Variants in NEK1 observed in about 807,000 individuals in gnomAD.
NEK1 encodes NIMA related kinase 1, also known as serine/threonine-protein kinase Nek1.
A neutral mutation model predicts 182.1 loss-of-function variants in NEK1; 137 were observed. The ratio of observed to expected loss-of-function variants is 0.75; its 90% CI spans 0.65 to 0.87. The LOEUF is 0.87. NEK1 is among the 40% of genes least tolerant of loss of function. The probability of loss-of-function intolerance (pLI) is 0.00; values close to 1 mark genes in which losing one functional copy is unlikely to be tolerated. For missense variants in NEK1, 1,391 were observed against 1,494.4 expected, an observed-to-expected ratio of 0.93 and a Z score of 1.14; for synonymous variants, 513 against 492.2, an observed-to-expected ratio of 1.04 and a Z score of -0.56.
At chr4:169,486,818 C>A (rs1053379491) in intron 23 of NEK1, among the ~76,000 whole-genome samples, 1 of 152,170 alleles carries the variant, frequency 6.6e-6, no homozygotes, top group Non-Finnish European at 1.5e-5. Context: ...CAGAAATACA[C>A]AAGAATTTAC....
chr4:169,578,983 G>C (rs954825250), intron 11 of NEK1, among the ~76,000 whole-genome samples: 1 of 152,106 alleles, frequency 6.6e-6, no homozygotes, highest in African/African-American at 2.4e-5. Context: ...ACTGCAACCT[G>C]GCTAAACGTG....
In NEK1 at chr4:169,433,628, T is replaced by C. The variant is rs1737837905; in HGVS notation, c.2802A>G (p.Pro934=). ...AGCTCTCATCTTTGTTTGTTCCACT[T>C]GGCTCTTGTAGAATTTCTGTTTCCA... ...DDLETEILQE[P]SGTNKDESLP... Residue 934 remains proline (P), a synonymous_variant, in exon 29 of 36, where the codon CCA becomes CCG. Coordinates refer to ENST00000507142, the MANE Select transcript of NEK1 (RefSeq NM_001199397.3). 1 of 1,613,388 alleles carries C rather than the reference T, an allele frequency of 6.2e-7. No homozygotes were observed. The highest frequency in any genetic ancestry group is 8.5e-7 in the Non-Finnish European group (1 of 1,179,616).
chr4:169,439,845 C>CTT lies in NEK1; in HGVS notation c.2588-1588_2588-1587dup, dbSNP rs33985502. Reference sequence around the variant, plus strand: ...AAGGAAGAGGAGGAGGTTAGGGTATCTTTTTTTTTTTTTTTTTTTTTGTTA... The same window carrying CTT: ...AAGGAAGAGGAGGAGGTTAGGGTATCTTTTTTTTTTTTTTTTTTTTTTTGTTA... On this transcript the variant is annotated intron_variant, in intron 27 of 35. Coordinates refer to ENST00000507142, the MANE Select transcript of NEK1 (RefSeq NM_001199397.3). Among the ~76,000 whole-genome samples, 807 of 116,378 alleles carry CTT rather than the reference C, an allele frequency of 6.9e-3. 17 individuals are homozygous for CTT. Among genetic ancestry groups the CTT allele is most frequent in the African/African-American group, 0.025 (733 of 29,112 alleles). 76.3% of individuals were successfully genotyped at this position (116,378 alleles called of 152,430 possible). A position where few individuals can be genotyped will look rare whatever the true frequency, so the allele number is the denominator to read the frequency against.
intron 27 of NEK1, among the ~76,000 whole-genome samples, chr4:169,454,930 A>G (rs1276211726): frequency 6.6e-6 from 1 of 152,220 alleles, no homozygotes; most frequent in Admixed American, 6.5e-5. Context: ...AACCAACCCA[A>G]ATGCCATCAA....
intron 4 of NEK1, among the ~76,000 whole-genome samples, chr4:169,600,275 G>A (rs1001282480): frequency 2.6e-5 from 4 of 151,494 alleles, no homozygotes; most frequent in East Asian, 3.9e-4. Flanking sequence ...CTGTAGCCTC[G>A]ACCTCCCGAG....
chr4:169,540,557 T>C (rs1221476319), intron 18 of NEK1, among the ~76,000 whole-genome samples: 1 of 152,150 alleles, frequency 6.6e-6, no homozygotes, highest in Admixed American at 6.6e-5. Flanking sequence ...AGTTTACTTC[T>C]TGATAGTAAT....
At chr4:169,544,828 AC>A (rs1167881308) in intron 18 of NEK1, among the ~76,000 whole-genome samples, 17 of 150,260 alleles carry the variant, frequency 1.1e-4, no homozygotes, top group Admixed American at 1.1e-3. Context: ...CAATGGCGAT[AC>A]CCCCTTTATC....
chr4:169,518,463 G>A (rs1218943325), intron 19 of NEK1, among the ~76,000 whole-genome samples: 2 of 130,554 alleles, frequency 1.5e-5, no homozygotes, highest in African/African-American at 6.9e-5. Flanking sequence ...CCAGCTCCTG[G>A]ATTCATTGAT....
intron 3 of NEK1, 85 bp downstream of exon 3, chr4:169,602,425 CTTTT>C: frequency 1.6e-6 from 1 of 624,970 alleles, no homozygotes; most frequent in Non-Finnish European, 2.7e-6. Flanking sequence ...TTATCGATTA[CTTTT>C]TTTTTTTTTT....
At chr4:169,490,566 T>C (rs1217291373) in intron 23 of NEK1, among the ~76,000 whole-genome samples, 1 of 151,870 alleles carries the variant, frequency 6.6e-6, no homozygotes, top group African/African-American at 2.4e-5. Flanking sequence ...GGATAGACAA[T>C]TCAATGAAAT....
intron 31 of NEK1, among the ~76,000 whole-genome samples, chr4:169,422,668 G>GT (rs1389944254): frequency 1.3e-5 from 2 of 152,124 alleles, no homozygotes; most frequent in African/African-American, 4.8e-5. Flanking sequence ...ATTTTCTAGT[G>GT]TTTTTTCTTG....
chr4:169,558,777 CTAAA>C (rs1445491194), intron 16 of NEK1, among the ~76,000 whole-genome samples: 2 of 152,064 alleles, frequency 1.3e-5, no homozygotes. Flanking sequence ...TTTGCAGATA[CTAAA>C]TAATCAAAAA....
At chr4:169,446,126 T>C (rs1298968597) in intron 27 of NEK1, among the ~76,000 whole-genome samples, 1 of 151,852 alleles carries the variant, frequency 6.6e-6, no homozygotes, top group Non-Finnish European at 1.5e-5. Flanking sequence ...AATAAAATTC[T>C]AGTGTTTAAA....
At chr4:169,572,807 A>C (rs754275520) in intron 12 of NEK1, among the ~76,000 whole-genome samples, 1 of 152,144 alleles carries the variant, frequency 6.6e-6, no homozygotes. Flanking sequence ...AAGAAAAATG[A>C]CCCATGGATT....
At chr4:169,564,801 G>T (rs2149963226) in intron 12 of NEK1, among the ~76,000 whole-genome samples, 1 of 152,194 alleles carries the variant, frequency 6.6e-6, no homozygotes, top group East Asian at 1.9e-4. Context: ...CACCCAATGG[G>T]TTAATAAACT....
intron 26 of NEK1, among the ~76,000 whole-genome samples, chr4:169,471,560 G>A (rs1410299222): frequency 1.3e-5 from 2 of 152,088 alleles, no homozygotes; most frequent in Non-Finnish European, 1.5e-5. Context: ...GGTGTCTGTC[G>A]TCCCCTGCTG....
rs931785439 is a variant in NEK1 at position 169,612,567 on chromosome 4, A to T, written c.-518T>A. 6.6e-6 allele frequency: 1 copy of T among 152,052 alleles called. No homozygotes were observed. The highest frequency in any genetic ancestry group is 2.4e-5 in the African/African-American group (1 of 41,366). 9.4% of individuals were successfully genotyped at this position (152,052 alleles called of 1,614,324 possible). On this transcript the variant is annotated 5_prime_UTR_variant, in exon 1 of 36. Transcript: ENST00000507142. ...AGGACTCCGCAACCTAGGGTCCCAA[A>T]ACCCTGGAGCGAATGCGGACTAAGG...
At position 169,400,626 on chromosome 4, in the gene NEK1, A is replaced by C; in HGVS notation, c.3609T>G (p.Ser1203Arg). The C allele has an allele frequency of 6.3e-7, 1 of 1,597,246 alleles. No homozygotes were observed. The highest frequency in any genetic ancestry group is 8.5e-7 in the Non-Finnish European group (1 of 1,171,390). ...TAAAGACACTATCGCATTCACATTC[A>C]CTAGCAATTTCACCATCACTGTTAT... The part of the protein sequence containing the change: ...HSDNSDGEIA[S>R]ECECDSVFNH... The change falls in exon 34 of 36, where the codon AGT (serine) becomes AGG (arginine). Residue 1203 changes from serine (S) to arginine (R), a missense_variant. By Grantham distance (110) the Ser-to-Arg change is moderately radical. Around this residue, in one of 5 missense-constraint regions of NEK1, gnomAD observed 1,216 missense variants for 1,277.6 expected, o/e 0.95. Transcript: ENST00000507142.
chr4:169,395,188 C>T lies in NEK1; in HGVS notation c.3848-665G>A, dbSNP rs566458355. Among the ~76,000 whole-genome samples the T allele has an allele frequency of 7.3e-4, 111 of 152,170 alleles. 1 individual carries two copies. Among genetic ancestry groups the T allele is most frequent in the Non-Finnish European group, 4.7e-4 (32 of 68,024 alleles). ...TCTTATATGCAAGCACTATCTTCCA[C>T]ATTCTAGCAAAAGTGATCTTTCATT... On this transcript the variant is annotated intron_variant, in intron 35 of 35. Coordinates refer to ENST00000507142, the MANE Select transcript of NEK1 (RefSeq NM_001199397.3).
Sources: gnomAD v4.1 joint callset for allele counts (sites outside exome capture counted in the v4.1 genomes callset) on GRCh38, gnomAD v4.1.1 for gene constraint, gnomAD v4.1.1 regional missense constraint, MANE v1.5 for transcripts, NCBI Gene and HGNC (gene_info 2026-07-23, HGNC 2026-07-21) for gene names.